AFF3: variants seen among roughly 807,000 people sequenced by gnomAD.
AFF3 encodes AF4/FMR2 family member 3.
A neutral mutation model predicts 129.7 loss-of-function variants in AFF3; 32 were observed. That is an observed-to-expected ratio of 0.25 (90% confidence interval 0.19 to 0.33). The LOEUF (loss-of-function observed/expected upper bound fraction) is 0.33. AFF3 is among the 10% of genes least tolerant of loss of function. AFF3 has a pLI of 1.00. For missense variants in AFF3, 1,373 were observed against 1,592.0 expected (o/e 0.86, Z 2.34); for synonymous variants, 644 against 635.4 (o/e 1.01, Z -0.20).
At chr2:100,004,771 A>T (rs1559048837) in intron 7 of AFF3, among the ~76,000 whole-genome samples, 2 of 152,156 alleles carry the variant, frequency 1.3e-5, no homozygotes, top group Non-Finnish European at 2.9e-5. Flanking sequence ...GGACTGATTA[A>T]ACAGACAAGT....
At chr2:99,761,907 C>T (rs535264745) in intron 8 of AFF3, among the ~76,000 whole-genome samples, 17 of 152,208 alleles carry the variant, frequency 1.1e-4, no homozygotes, top group African/African-American at 3.9e-4. Context: ...GTGGCATTAC[C>T]GCCTGCTGCT....
chr2:99,793,789 T>C (rs567466464), intron 8 of AFF3, among the ~76,000 whole-genome samples: 6 of 152,326 alleles, frequency 3.9e-5, no homozygotes, highest in East Asian at 3.9e-4. Flanking sequence ...TCTGCTCCTA[T>C]CTTTATTATT....
chr2:99,945,330 C>T (rs970436699), intron 7 of AFF3, among the ~76,000 whole-genome samples: 6 of 152,204 alleles, frequency 3.9e-5, no homozygotes, highest in Non-Finnish European at 8.8e-5. Flanking sequence ...TTTACACTTT[C>T]CTTGAAGACT....
At chr2:100,105,068 A>G (rs1426844133) in intron 3 of AFF3, 1 of 153,722 alleles carries the variant, frequency 6.5e-6, no homozygotes, top group Non-Finnish European at 1.4e-5. Flanking sequence ...CGGCCCTGCA[A>G]GCGGGAGAGA....
At chr2:100,049,031 G>C (rs1037009605) in intron 4 of AFF3, among the ~76,000 whole-genome samples, 105 of 152,236 alleles carry the variant, frequency 6.9e-4, no homozygotes, top group African/African-American at 2.3e-3. Context: ...CAAATATTGA[G>C]GCACAGTAAC....
At chr2:99,685,584 A>T (rs181247234) in intron 11 of AFF3, among the ~76,000 whole-genome samples, 1 of 152,230 alleles carries the variant, frequency 6.6e-6, no homozygotes, top group African/African-American at 2.4e-5. Context: ...TATATAAAAA[A>T]AGAGTAAAAC....
rs566296374 is a variant in AFF3, at chr2:100,010,594, A to G, written c.54-1662T>C. Among the ~76,000 whole-genome samples, 4 of 152,334 alleles carry G rather than the reference A, an allele frequency of 2.6e-5. No individual in the cohort carries two copies. The South Asian group carries it at 8.3e-4, about 32-fold the overall frequency. On this transcript the variant is annotated intron_variant, in intron 4 of 24. Coordinates refer to ENST00000672756, the MANE Select transcript of AFF3 (RefSeq NM_001386135.1). ...TGGGAGTCCAACCAGTGACCTTCAT[A>G]TAACGGGGACTGCAGCCTCTAGAAT...
At chr2:99,836,988 G>A (rs1688928999) in intron 8 of AFF3, among the ~76,000 whole-genome samples, 2 of 152,132 alleles carry the variant, frequency 1.3e-5, no homozygotes, top group African/African-American at 4.8e-5. Flanking sequence ...TGAAAAGGAC[G>A]GGCTCACAGA....
At chr2:99,831,783 C>A (rs1025347155) in intron 8 of AFF3, among the ~76,000 whole-genome samples, 12 of 152,210 alleles carry the variant, frequency 7.9e-5, no homozygotes, top group African/African-American at 2.9e-4. Flanking sequence ...ATGGCCCACA[C>A]ACATACGAGG....
intron 2 of AFF3, among the ~76,000 whole-genome samples, chr2:100,108,104 G>A (rs1691382635): frequency 8.1e-6 from 1 of 122,750 alleles, no homozygotes; most frequent in South Asian, 2.8e-4. Context: ...ACTCTCTCCT[G>A]TTCCAGCAAA....
At chr2:99,672,489 T>C in intron 12 of AFF3, 49 bp downstream of exon 12, 1 of 1,577,648 alleles carries the variant, frequency 6.3e-7, no homozygotes, top group Non-Finnish European at 8.7e-7. Context: ...ACCAGGTAAC[T>C]GTTACCAGTG....
At position 100,088,898 on chromosome 2, in the gene AFF3, T is replaced by A. The variant is rs375225473; in HGVS notation, c.53+15504A>T. 3.0e-4 allele frequency among the ~76,000 whole-genome samples: 45 copies of A among 152,394 alleles called. 2 individuals are homozygous for A. The South Asian group carries it at 6.8e-3, about 23-fold the overall frequency. ...ACAATATTGGTGGGGACTGTTTCCT[T>A]CTTCATTTTCATTAGAATAAACACA... On this transcript the variant is annotated intron_variant, in intron 4 of 24. Coordinates refer to ENST00000672756, the MANE Select transcript of AFF3 (RefSeq NM_001386135.1).
chr2:99,839,472 C>T (rs1443640124), intron 7 of AFF3, among the ~76,000 whole-genome samples: 1 of 152,082 alleles, frequency 6.6e-6, no homozygotes, highest in Non-Finnish European at 1.5e-5. Flanking sequence ...TTTTACATTC[C>T]CACCATCAAT....
intron 1 of AFF3, among the ~76,000 whole-genome samples, chr2:100,132,650 A>G (rs1050378866): frequency 1.3e-5 from 2 of 152,208 alleles, no homozygotes; most frequent in African/African-American, 4.8e-5. Context: ...CCAAGTGAAT[A>G]ACCAGACTCT....
chr2:99,909,916 T>A (rs1212383841), intron 7 of AFF3, among the ~76,000 whole-genome samples: 1 of 152,232 alleles, frequency 6.6e-6, no homozygotes, highest in Admixed American at 6.5e-5. Context: ...GGCTGAATTA[T>A]ATTCTGCCAA....
At chr2:99,726,490 T>G (rs2104993844) in intron 11 of AFF3, among the ~76,000 whole-genome samples, 1 of 152,348 alleles carries the variant, frequency 6.6e-6, no homozygotes, top group South Asian at 2.1e-4. Context: ...GTATATCAAT[T>G]TGGCATCAAA....
At chr2:99,853,396 A>G (rs1690287491) in intron 7 of AFF3, among the ~76,000 whole-genome samples, 1 of 152,202 alleles carries the variant, frequency 6.6e-6, no homozygotes, top group Non-Finnish European at 1.5e-5. Flanking sequence ...TGAAGTAGAA[A>G]TAAGATAGTA....
At chr2:99,778,898 GTGTGT>G (rs1267580607) in intron 8 of AFF3, among the ~76,000 whole-genome samples, 13 of 2,962 alleles carry the variant, frequency 4.4e-3, no homozygotes, top group African/African-American at 0.026. Flanking sequence ...GTGTGTGCGC[GTGTGT>G]GTGTGTGTGT....
intron 4 of AFF3, among the ~76,000 whole-genome samples, chr2:100,016,526 A>G (rs1445533520): frequency 3.5e-5 from 5 of 142,576 alleles, no homozygotes; most frequent in Non-Finnish European, 4.6e-5. Flanking sequence ...TGGTGGCGGT[A>G]GTGGTGGTGA....
Sources: allele counts gnomAD v4.1 joint callset (sites outside exome capture counted in the v4.1 genomes callset), GRCh38; gene constraint gnomAD v4.1.1; transcripts MANE v1.5; gene names NCBI Gene and HGNC (gene_info 2026-07-23, HGNC 2026-07-21).